NCKAP5: variants seen among roughly 807,000 people sequenced by gnomAD.
NCKAP5 encodes the protein nck-associated protein 5.
In NCKAP5, 92 loss-of-function variants were observed where a neutral mutation model predicts 167.0. That is an observed-to-expected ratio of 0.55 (90% confidence interval 0.47 to 0.66). The LOEUF (loss-of-function observed/expected upper bound fraction) is 0.66, where lower values mean the gene tolerates loss of function less well. Among genes scored for constraint, NCKAP5 ranks in the 30% least tolerant of loss-of-function variants. The pLI is 0.00. For missense variants in NCKAP5, 2,378 were observed against 2,315.0 expected (o/e 1.03, Z -0.56); for synonymous variants, 891 against 877.4 (o/e 1.02, Z -0.27).
chr2:132,859,469 G>T (rs938762309), intron 11 of NCKAP5, among the ~76,000 whole-genome samples: 3 of 152,152 alleles, frequency 2.0e-5, no homozygotes, highest in Admixed American at 2.0e-4. Flanking sequence ...GTAGTCCCTG[G>T]CCACATGTGG....
At chr2:132,895,346 CAAAAAA>C (rs563409400) in intron 8 of NCKAP5, among the ~76,000 whole-genome samples, 1 of 71,924 alleles carries the variant, frequency 1.4e-5, no homozygotes, top group African/African-American at 3.8e-5. Context: ...GACTCTGTCT[CAAAAAA>C]AAAAAAAAAA....
intron 6 of NCKAP5, among the ~76,000 whole-genome samples, chr2:133,018,622 G>A (rs2078424550): frequency 1.3e-5 from 2 of 152,162 alleles, no homozygotes; most frequent in Non-Finnish European, 2.9e-5. Flanking sequence ...AGAACACCTA[G>A]AACTGTGCAC....
chr2:132,681,916 T>C (rs1558913086), intron 19 of NCKAP5, among the ~76,000 whole-genome samples: 1 of 152,168 alleles, frequency 6.6e-6, no homozygotes, highest in Non-Finnish European at 1.5e-5. Context: ...CAAGCTAAGG[T>C]TCATCCAGGA....
At position 133,377,631 on chromosome 2, in the gene NCKAP5, T is replaced by C. The variant is rs1172100877; in HGVS notation, c.70-74521A>G. ...GGTTTAAGTAGCTACTTTGGTTGAT[T>C]TCTGCCTAGTTAGGCTTCCAGTGAC... On this transcript the variant is annotated intron_variant, in intron 3 of 19. Transcript: ENST00000409261. Among the ~76,000 whole-genome samples the C allele has an allele frequency of 5.3e-5, 8 of 152,304 alleles. No individual in the cohort carries two copies. The East Asian group carries it at 1.5e-3, about 29-fold the overall frequency.
the NCKAP5 span, among the ~76,000 whole-genome samples, chr2:133,651,762 A>G: frequency 1.3e-5 from 2 of 152,226 alleles, no homozygotes; most frequent in Non-Finnish European, 2.9e-5. Flanking sequence ...TATATATCCA[A>G]TGACAGATGT....
chr2:133,563,907 A>C lies in NCKAP5; in HGVS notation c.-130+4309T>G, dbSNP rs578258215. ...CCAGCACTTTGGGAGGCTGAGGCAG[A>C]TGGATCATTTGAGGTCAGGAGTTTG... On this transcript the variant is annotated intron_variant, in intron 1 of 19. Transcript: ENST00000409261. Among the ~76,000 whole-genome samples the C allele has an allele frequency of 2.6e-4, 40 of 152,146 alleles. No individual in the cohort carries two copies. In the South Asian group the frequency reaches 7.5e-3, roughly 28 times the overall value.
chr2:133,006,951 G>C (rs765019398), intron 6 of NCKAP5, among the ~76,000 whole-genome samples: 3 of 152,168 alleles, frequency 2.0e-5, no homozygotes, highest in Non-Finnish European at 4.4e-5. Flanking sequence ...TGCTTCTTGT[G>C]ACACTTGTTC....
intron 3 of NCKAP5, among the ~76,000 whole-genome samples, chr2:133,378,344 A>G (rs1686293885): frequency 6.6e-6 from 1 of 152,196 alleles, no homozygotes; most frequent in African/African-American, 2.4e-5. Context: ...AAAAACGTAT[A>G]TATGATACTC....
At chr2:133,422,880 C>T (rs1689570965) in intron 3 of NCKAP5, among the ~76,000 whole-genome samples, 1 of 152,034 alleles carries the variant, frequency 6.6e-6, no homozygotes, top group South Asian at 2.1e-4. Context: ...CCCTTTTCTA[C>T]CAAAACTTAC....
the NCKAP5 span, among the ~76,000 whole-genome samples, chr2:133,633,505 G>A: frequency 1.3e-5 from 2 of 152,208 alleles, no homozygotes; most frequent in Admixed American, 6.5e-5. Flanking sequence ...GCTTTGTGAG[G>A]ACATGCAGCA....
At chr2:132,804,563 GA>G (rs201747397) in intron 11 of NCKAP5, among the ~76,000 whole-genome samples, 4 of 150,766 alleles carry the variant, frequency 2.7e-5, no homozygotes, top group East Asian at 1.9e-4. Context: ...AGTTAGTGGA[GA>G]AAAAAAAACC....
chr2:132,977,258 G>T (rs1043155945), intron 7 of NCKAP5, among the ~76,000 whole-genome samples: 7 of 152,166 alleles, frequency 4.6e-5, no homozygotes, highest in Admixed American at 1.3e-4. Context: ...TGAGAGTACT[G>T]CTGAACTACT....
intron 4 of NCKAP5, among the ~76,000 whole-genome samples, chr2:133,296,226 G>C (rs966400484): frequency 6.6e-6 from 1 of 152,136 alleles, no homozygotes; most frequent in African/African-American, 2.4e-5. Flanking sequence ...AAGGTGAACT[G>C]GCTCATCAGG....
At chr2:133,280,329 A>G (rs2089889682) in intron 4 of NCKAP5, among the ~76,000 whole-genome samples, 1 of 152,230 alleles carries the variant, frequency 6.6e-6, no homozygotes, top group African/African-American at 2.4e-5. Context: ...GAAAACTTGC[A>G]TTTAAGAAAT....
intron 6 of NCKAP5, among the ~76,000 whole-genome samples, chr2:133,120,419 G>A (rs1294619639): frequency 5.3e-5 from 8 of 152,154 alleles, no homozygotes; most frequent in African/African-American, 1.9e-4. Flanking sequence ...TATACTATGT[G>A]GGAACAGTGT....
At chr2:133,131,696 CA>C (rs1193173034) in intron 5 of NCKAP5, among the ~76,000 whole-genome samples, 3 of 152,068 alleles carry the variant, frequency 2.0e-5, no homozygotes, top group Non-Finnish European at 4.4e-5. Context: ...TTTATTCTGT[CA>C]CTTTGGAAAA....
intron 3 of NCKAP5, among the ~76,000 whole-genome samples, chr2:133,397,633 G>T (rs532393233): frequency 6.6e-6 from 1 of 152,312 alleles, no homozygotes; most frequent in South Asian, 2.1e-4. Flanking sequence ...CTCTGGGGCT[G>T]CTGGGTACTA....
In NCKAP5 at chr2:133,517,224, T is replaced by C. The variant is rs538327850; in HGVS notation, c.69+234A>G. On this transcript the variant is annotated intron_variant, in intron 3 of 19. Transcript: ENST00000409261. ...ACATCAGTTGTAATTAATGTAATTA[T>C]ATATAATGTTGACAGATTATGACAT... Among the ~76,000 whole-genome samples the C allele has an allele frequency of 3.5e-4, 53 of 152,332 alleles. No individual in the cohort carries two copies. Among genetic ancestry groups the C allele is most frequent in the African/African-American group, 1.1e-3 (47 of 41,574 alleles).
intron 3 of NCKAP5, among the ~76,000 whole-genome samples, chr2:133,386,491 G>T (rs536439478): frequency 2.6e-4 from 39 of 152,304 alleles, no homozygotes; most frequent in Non-Finnish European, 2.8e-4. Context: ...TTTGGAATAG[G>T]TGTGGTGTGG....
Sources: allele counts gnomAD v4.1 joint callset (sites outside exome capture counted in the v4.1 genomes callset), GRCh38; gene constraint gnomAD v4.1.1; transcripts MANE v1.5; gene names NCBI Gene and HGNC (gene_info 2026-07-23, HGNC 2026-07-21).